Variants in WDR37 observed in about 807,000 individuals in gnomAD.
The protein encoded by WDR37 is WD repeat domain 37.
A neutral mutation model predicts 62.9 loss-of-function variants in WDR37; 19 were observed. The ratio of observed to expected loss-of-function variants is 0.30; its 90% CI spans 0.21 to 0.44. The LOEUF (loss-of-function observed/expected upper bound fraction) is 0.44, where lower values mean the gene tolerates loss of function less well. Ranked by LOEUF, WDR37 falls within the 20% of genes least tolerant of loss-of-function variation. The probability of loss-of-function intolerance (pLI) is 1.00; values close to 1 mark genes in which losing one functional copy is unlikely to be tolerated. For missense variants in WDR37, 474 were observed against 657.6 expected, an observed-to-expected ratio of 0.72 and a Z score of 3.05; for synonymous variants, 250 against 260.9, an observed-to-expected ratio of 0.96 and a Z score of 0.40.
chr10:1,101,931 C>G (rs1392854662), intron 9 of WDR37, among the ~76,000 whole-genome samples: 2 of 152,104 alleles, frequency 1.3e-5, no homozygotes, highest in African/African-American at 2.4e-5. Context: ...CTCTGTGTCT[C>G]CATGTTGATT....
intron 2 of WDR37, among the ~76,000 whole-genome samples, chr10:1,076,957 A>T (rs1474703232): frequency 7.2e-6 from 1 of 139,714 alleles, no homozygotes; most frequent in East Asian, 2.2e-4. Flanking sequence ...CCGAGACCAC[A>T]CCATTGCACT....
chr10:1,066,429 A>T (rs7076000), intron 1 of WDR37, among the ~76,000 whole-genome samples: 151,013 of 152,368 alleles, frequency 0.99, 74,844 homozygotes, highest in Middle Eastern at 1. Flanking sequence ...TACTAGGACT[A>T]ATGCAGAAAA....
chr10:1,077,736 C>A (rs1263202447), intron 2 of WDR37, among the ~76,000 whole-genome samples, 171 bp from the exon 3 acceptor site: 1 of 152,134 alleles, frequency 6.6e-6, no homozygotes, highest in African/African-American at 2.4e-5. Flanking sequence ...GATTTATAGT[C>A]TCCTTGGCAG....
chr10:1,061,634 G>A (rs1261986300), intron 1 of WDR37, among the ~76,000 whole-genome samples: 1 of 152,160 alleles, frequency 6.6e-6, no homozygotes, highest in Non-Finnish European at 1.5e-5. Context: ...GAGGCCAGGA[G>A]TTCGAAACCA....
chr10:1,127,825 G>A (rs11250278), intron 13 of WDR37, among the ~76,000 whole-genome samples: 9,310 of 152,340 alleles, frequency 0.061, 335 homozygotes, highest in African/African-American at 0.082. Context: ...GGCATGGGGC[G>A]TCTTCCGGGT....
chr10:1,104,925 C>G (rs911030588), intron 10 of WDR37, among the ~76,000 whole-genome samples: 4 of 152,144 alleles, frequency 2.6e-5, no homozygotes, highest in Non-Finnish European at 5.9e-5. Context: ...GTTTTCTGTT[C>G]CTTTGACATG....
intron 11 of WDR37, among the ~76,000 whole-genome samples, chr10:1,122,045 A>G (rs1054466295): frequency 1.3e-5 from 2 of 151,948 alleles, no homozygotes; most frequent in Non-Finnish European, 2.9e-5. Context: ...GATTTTCATA[A>G]ATGGGCTTTG....
intron 1 of WDR37, among the ~76,000 whole-genome samples, chr10:1,061,980 A>T (rs1398656962): frequency 6.6e-6 from 1 of 151,954 alleles, no homozygotes; most frequent in Non-Finnish European, 1.5e-5. Flanking sequence ...AAGCATCTGA[A>T]TTCTGAAACA....
intron 13 of WDR37, 79 bp downstream of exon 13, chr10:1,125,103 A>G (rs563134046): frequency 1.3e-6 from 2 of 1,539,870 alleles, no homozygotes; most frequent in Admixed American, 2.0e-5. Flanking sequence ...TCATTTTCTT[A>G]CTAAGTCTTT....
rs1835925298 is a variant in WDR37 at position 1,130,379 on chromosome 10, G to T, written c.*1035G>T. 1 of 152,688 alleles carries T rather than the reference G, an allele frequency of 6.5e-6. No individual in the cohort carries two copies. Among genetic ancestry groups the T allele is most frequent in the South Asian group, 2.1e-4 (1 of 4,834 alleles). 9.5% of individuals were successfully genotyped at this position (152,688 alleles called of 1,614,324 possible). A position where few individuals can be genotyped will look rare whatever the true frequency, so the allele number is the denominator to read the frequency against. On this transcript the variant is annotated 3_prime_UTR_variant, in exon 14 of 14. Transcript: ENST00000263150. ...AAAGACAGTCACACCGACGTGTCCT[G>T]AAGGTGTAGGCTCTCCACTTAGGCG... is the stretch of plus-strand genomic sequence containing the variant.
intron 11 of WDR37, among the ~76,000 whole-genome samples, chr10:1,119,154 A>G (rs138209093): frequency 6.6e-4 from 101 of 152,360 alleles, no homozygotes; most frequent in African/African-American, 2.2e-3. Context: ...AGGCTCCTGC[A>G]GATGCAGTGG....
intron 11 of WDR37, among the ~76,000 whole-genome samples, chr10:1,119,623 C>T (rs984971740): frequency 6.6e-6 from 1 of 152,182 alleles, no homozygotes; most frequent in Non-Finnish European, 1.5e-5. Flanking sequence ...GCAGCACTTC[C>T]AGGCCTTAGG....
In WDR37 at chr10:1,110,212, C is replaced by T. The variant is rs375276499; in HGVS notation, c.1103+4945C>T. ...TGTTGGACATTGAGCTTCCCCTCAC[C>T]GGCCTGGCGGTTTCTCAGCTGTGCG... On this transcript the variant is annotated intron_variant, in intron 11 of 13. Transcript: ENST00000263150. Among the ~76,000 whole-genome samples the T allele has an allele frequency of 7.9e-5, 12 of 152,260 alleles. No individual in the cohort carries two copies. In the East Asian group the frequency reaches 2.1e-3, roughly 27 times the overall value.
Position 1,064,583 on chromosome 10 carries a change from C to CTTTTTTTTTT in WDR37, c.-40-7512_-40-7503dup, listed in dbSNP as rs71376884. On this transcript the variant is annotated intron_variant, in intron 1 of 13. Transcript: ENST00000263150. The stretch of plus-strand genomic sequence containing the variant: ...GGAAACAATTTGAGTGACAATGGAT[C>CTTTTTTTTTT]TTTTTTTTTTTTTTTTTTTTTTTTT... Among the ~76,000 whole-genome samples the CTTTTTTTTTT allele has an allele frequency of 5.1e-4, 36 of 70,490 alleles. 3 individuals are homozygous for CTTTTTTTTTT. Among genetic ancestry groups the CTTTTTTTTTT allele is most frequent in the African/African-American group, 1.0e-3 (17 of 16,562 alleles). The allele number at this position is 70,490 out of a possible 152,430, so 46.2% of individuals were successfully genotyped here.
At chr10:1,124,113 G>A (rs1363667486) in intron 11 of WDR37, 105 bp from the exon 12 acceptor site, 6 of 1,502,154 alleles carry the variant, frequency 4.0e-6, no homozygotes, top group African/African-American at 2.7e-5. Flanking sequence ...GTGAGTTTGC[G>A]CTTCTCCGAC....
At chr10:1,057,816 C>T (rs1156736293) in intron 1 of WDR37, among the ~76,000 whole-genome samples, 1 of 152,184 alleles carries the variant, frequency 6.6e-6, no homozygotes, top group Non-Finnish European at 1.5e-5. Flanking sequence ...GTGTTAATTG[C>T]TTGGAAGTTT....
Position 1,129,669 on chromosome 10 carries a change from A to ATG in WDR37, c.*325_*326insTG. Reference sequence around the variant, plus strand: ...TAGGGCATTACATTTGTGTGAATTAAATGTGAACTTCTGTATTACGTTGCG... The same window carrying ATG: ...TAGGGCATTACATTTGTGTGAATTAATGATGTGAACTTCTGTATTACGTTGCG... On this transcript the variant is annotated 3_prime_UTR_variant, in exon 14 of 14. Coordinates refer to ENST00000263150, the MANE Select transcript of WDR37 (RefSeq NM_014023.4). 4.9e-5 allele frequency: 10 copies of ATG among 206,070 alleles called. No homozygotes were observed. The highest frequency in any genetic ancestry group is 3.8e-4 in the South Asian group (4 of 10,454). The allele number at this position is 206,070 out of a possible 1,614,324, so 12.8% of individuals were successfully genotyped here. A position where few individuals can be genotyped will look rare whatever the true frequency, so the allele number is the denominator to read the frequency against.
At chr10:1,115,909 A>T (rs1835379704) in intron 11 of WDR37, among the ~76,000 whole-genome samples, 1 of 152,160 alleles carries the variant, frequency 6.6e-6, no homozygotes, top group Admixed American at 6.5e-5. Flanking sequence ...GGGCCTTGGA[A>T]GCACACCTGT....
chr10:1,059,030 A>G (rs190421056), intron 1 of WDR37, among the ~76,000 whole-genome samples: 2 of 152,378 alleles, frequency 1.3e-5, no homozygotes, highest in East Asian at 3.9e-4. Flanking sequence ...CCTACTGGAT[A>G]TGAAACTGAA....
Sources: allele counts gnomAD v4.1 joint callset (sites outside exome capture counted in the v4.1 genomes callset), GRCh38; gene constraint gnomAD v4.1.1; transcripts MANE v1.5; gene names NCBI Gene and HGNC (gene_info 2026-07-23, HGNC 2026-07-21).